Variants in MDGA2 observed in about 807,000 individuals in gnomAD.
MDGA2 encodes MAM domain containing glycosylphosphatidylinositol anchor 2.
A neutral mutation model predicts 117.8 loss-of-function variants in MDGA2; 40 were observed. That is an observed-to-expected ratio of 0.34 (90% CI 0.26 to 0.44). The LOEUF (loss-of-function observed/expected upper bound fraction) is 0.44. MDGA2 is among the 20% of genes least tolerant of loss of function. The pLI is 1.00. For missense variants in MDGA2, 1,123 were observed against 1,250.6 expected (o/e 0.90, Z 1.54); for synonymous variants, 452 against 439.0 (o/e 1.03, Z -0.37).
intron 1 of MDGA2, among the ~76,000 whole-genome samples, chr14:47,389,698 T>A (rs564613768): frequency 6.9e-4 from 105 of 151,656 alleles, no homozygotes; most frequent in African/African-American, 2.5e-3. Context: ...GAAGGCAAAA[T>A]ACCGCCCTAC....
At chr14:47,335,178 C>T in intron 1 of MDGA2, among the ~76,000 whole-genome samples, 1 of 149,194 alleles carries the variant, frequency 6.7e-6, no homozygotes, top group Non-Finnish European at 1.5e-5. Context: ...AAATTCTTGC[C>T]TTTGTAATTC....
In MDGA2 at chr14:46,895,509, T is replaced by C. The variant is rs191122295; in HGVS notation, c.2239-13288A>G. 4.3e-3 allele frequency among the ~76,000 whole-genome samples: 649 copies of C among 152,240 alleles called. 7 individuals carry two copies. Among genetic ancestry groups the C allele is most frequent in the African/African-American group, 0.015 (627 of 41,554 alleles). On this transcript the variant is annotated intron_variant, in intron 10 of 16. Coordinates refer to ENST00000399232, the MANE Select transcript of MDGA2 (RefSeq NM_001113498.3). ...GGGAGGCCGAGGCGGGTGGATCACC[T>C]GAGGTCAGGAGTTCAAGACCACCCT...
intron 3 of MDGA2, among the ~76,000 whole-genome samples, chr14:47,191,184 T>C (rs1160606321): frequency 2.6e-5 from 4 of 151,848 alleles, no homozygotes; most frequent in Non-Finnish European, 5.9e-5. Context: ...ATTTTCCCCC[T>C]TAGGACTACA....
At chr14:46,904,345 G>C (rs941563904) in intron 10 of MDGA2, among the ~76,000 whole-genome samples, 2 of 146,346 alleles carry the variant, frequency 1.4e-5, no homozygotes, top group African/African-American at 5.1e-5. Context: ...GAGAGAGAGG[G>C]AGACTCTGTC....
chr14:47,026,264 G>T (rs948997594), intron 8 of MDGA2, among the ~76,000 whole-genome samples: 1 of 152,158 alleles, frequency 6.6e-6, no homozygotes, highest in African/African-American at 2.4e-5. Flanking sequence ...GGGAGAGGAA[G>T]TTATGTCTTT....
chr14:47,159,788 T>C (rs1883556025), intron 3 of MDGA2, among the ~76,000 whole-genome samples: 1 of 152,302 alleles, frequency 6.6e-6, no homozygotes. Context: ...TTTGTCTATT[T>C]TTATCCTGGG....
At chr14:46,931,405 A>C (rs190957352) in intron 9 of MDGA2, among the ~76,000 whole-genome samples, 1,876 of 152,200 alleles carry the variant, frequency 0.012, 17 homozygotes, top group Middle Eastern at 0.037. Context: ...CCCTGAATAA[A>C]GCACTCAAAT....
At chr14:47,492,203 T>G (rs577096947) in intron 1 of MDGA2, among the ~76,000 whole-genome samples, 132 of 152,162 alleles carry the variant, frequency 8.7e-4, no homozygotes, top group Non-Finnish European at 1.4e-3. Context: ...ACTATTAATA[T>G]GTTGAAGTTG....
intron 1 of MDGA2, among the ~76,000 whole-genome samples, chr14:47,579,011 C>A (rs1324919204): frequency 3.3e-5 from 5 of 151,972 alleles, no homozygotes; most frequent in Non-Finnish European, 7.4e-5. Context: ...TCACCATTTG[C>A]TATTTGGGTT....
At chr14:47,104,309 A>ATTAGT (rs1173282312) in intron 5 of MDGA2, among the ~76,000 whole-genome samples, 1 of 150,844 alleles carries the variant, frequency 6.6e-6, no homozygotes, top group Admixed American at 6.6e-5. Context: ...GCCTTGCCCC[A>ATTAGT]CCTTAACTGA....
chr14:47,286,459 A>G (rs889088002), intron 2 of MDGA2, among the ~76,000 whole-genome samples: 2 of 151,986 alleles, frequency 1.3e-5, no homozygotes, highest in African/African-American at 2.4e-5. Context: ...TAGCTCTTAC[A>G]TGTTAGTGAG....
chr14:47,076,449 A>T lies in MDGA2; in HGVS notation c.1196-14871T>A, dbSNP rs139218613. 1.2e-4 allele frequency among the ~76,000 whole-genome samples: 19 copies of T among 152,194 alleles called. 1 individual carries two copies. In the East Asian group the frequency reaches 3.7e-3, roughly 29 times the overall value. The stretch of plus-strand genomic sequence containing the variant: ...GAAAGCTCAGTTAGGCCAAATGAAG[A>T]TGTATAAATGGGGCTGCTGAAAGTA... On this transcript the variant is annotated intron_variant, in intron 6 of 16. Coordinates refer to ENST00000399232, the MANE Select transcript of MDGA2 (RefSeq NM_001113498.3).
At chr14:47,531,015 G>A (rs1311482845) in intron 1 of MDGA2, among the ~76,000 whole-genome samples, 1 of 152,132 alleles carries the variant, frequency 6.6e-6, no homozygotes. Flanking sequence ...GGAGGCCGAG[G>A]TGGGCGGATC....
intron 6 of MDGA2, among the ~76,000 whole-genome samples, chr14:47,067,303 A>C (rs1890121485): frequency 6.6e-6 from 1 of 152,212 alleles, no homozygotes. Flanking sequence ...AGCATCCCAG[A>C]GAATAAAGTT....
At chr14:46,991,611 G>C (rs1200066528) in intron 8 of MDGA2, among the ~76,000 whole-genome samples, 1 of 152,040 alleles carries the variant, frequency 6.6e-6, no homozygotes, top group East Asian at 1.9e-4. Flanking sequence ...ATGTCTGTGA[G>C]AACATTTCCC....
intron 10 of MDGA2, among the ~76,000 whole-genome samples, chr14:46,914,112 A>G (rs3007120): frequency 0.37 from 56,124 of 151,990 alleles, 10,991 homozygotes; most frequent in East Asian, 0.61. Flanking sequence ...AATTGTGTAC[A>G]TTTCAAATGA....
At chr14:47,018,567 G>A (rs1211201120) in intron 8 of MDGA2, among the ~76,000 whole-genome samples, 1 of 151,454 alleles carries the variant, frequency 6.6e-6, no homozygotes, top group Non-Finnish European at 1.5e-5. Context: ...TAATGTGAGG[G>A]GAAAATTATA....
intron 14 of MDGA2, chr14:46,871,900 C>T: frequency 2.5e-6 from 1 of 397,908 alleles, no homozygotes; most frequent in Middle Eastern, 3.6e-4. Context: ...GTAATCCCAG[C>T]ATTTTGAGAG....
intron 1 of MDGA2, among the ~76,000 whole-genome samples, chr14:47,395,227 T>C (rs1236743031): frequency 6.6e-6 from 1 of 152,024 alleles, no homozygotes; most frequent in African/African-American, 2.4e-5. Flanking sequence ...ATATCACACC[T>C]AAACAAATTA....
Sources: allele counts gnomAD v4.1 joint callset (sites outside exome capture counted in the v4.1 genomes callset), GRCh38; gene constraint gnomAD v4.1.1; transcripts MANE v1.5; gene names NCBI Gene and HGNC (gene_info 2026-07-23, HGNC 2026-07-21).